The following WSB2 variants were observed in gnomAD, a reference collection of about 807,000 sequenced individuals.
The protein encoded by WSB2 is WD repeat and SOCS box containing 2.
Under a neutral mutation model 48.8 loss-of-function variants are expected in WSB2, and 12 were observed. The observed-to-expected ratio is 0.25, with a 90% CI of 0.16 to 0.40. WSB2 has a LOEUF of 0.40. Ranked by LOEUF, WSB2 falls within the 10% of genes least tolerant of loss-of-function variation. WSB2 has a pLI of 1.00. For synonymous variants in WSB2, 191 were observed against 203.1 expected, an observed-to-expected ratio of 0.94 and a Z score of 0.51; for missense variants, 317 against 506.2, an observed-to-expected ratio of 0.63 and a Z score of 3.59.
intron 1 of WSB2, among the ~76,000 whole-genome samples, chr12:118,053,858 G>A (rs2031900309): frequency 1.3e-5 from 2 of 152,110 alleles, no homozygotes; most frequent in Non-Finnish European, 1.5e-5. Context: ...GCTGTTACCA[G>A]ATAGATATTC....
At chr12:118,058,442 A>T (rs949244271) in intron 1 of WSB2, among the ~76,000 whole-genome samples, 6 of 151,942 alleles carry the variant, frequency 3.9e-5, no homozygotes, top group African/African-American at 7.3e-5. Flanking sequence ...CGACCTCCCC[A>T]GGCTCAGATG....
chr12:118,049,758 T>C (rs1247521460), intron 2 of WSB2, among the ~76,000 whole-genome samples: 4 of 152,112 alleles, frequency 2.6e-5, no homozygotes, highest in Admixed American at 1.3e-4. Flanking sequence ...TTCCAAAAAC[T>C]GCACAAATTT....
chr12:118,036,246 T>C (rs2031506721), intron 6 of WSB2, 92 bp downstream of exon 6: 1 of 1,420,688 alleles, frequency 7.0e-7, no homozygotes, highest in South Asian at 1.4e-5. Context: ...TCCCCTCCCA[T>C]GTCCCAGATT....
At chr12:118,040,509 C>T (rs1392347396) in intron 4 of WSB2, among the ~76,000 whole-genome samples, 1 of 152,080 alleles carries the variant, frequency 6.6e-6, no homozygotes, top group Non-Finnish European at 1.5e-5. Context: ...ACCTGTAATC[C>T]CAGCACTTTG....
At chr12:118,049,727 G>T (rs901097056) in intron 2 of WSB2, among the ~76,000 whole-genome samples, 2 of 152,016 alleles carry the variant, frequency 1.3e-5, no homozygotes, top group Admixed American at 1.3e-4. Context: ...TCAGGTCCTT[G>T]ATGCATTTTG....
rs768574799 is a variant in WSB2 at position 118,036,454 on chromosome 12, T to C, written c.717A>G (p.Gln239=). 1.2e-6 allele frequency: 2 copies of C among 1,614,086 alleles called. No individual in the cohort carries two copies. Among genetic ancestry groups the C allele is most frequent in the South Asian group, 1.1e-5 (1 of 91,082 alleles). Residue 239 remains glutamine (Q), a synonymous_variant, in exon 6 of 9, where the codon CAA becomes CAG. Coordinates refer to ENST00000315436, the MANE Select transcript of WSB2 (RefSeq NM_018639.5). Reference sequence around the variant, plus strand: ...AGAAGTCACAAGAGACAACACTGCTTTGATGGCCCTCTAGCTTCCGAATTA... The same window carrying C: ...AGAAGTCACAAGAGACAACACTGCTCTGATGGCCCTCTAGCTTCCGAATTA... ...YTLIRKLEGH[Q]SSVVSCDFSP...
rs376897864 is a variant in WSB2, at chr12:118,042,816, C to T, written c.559+25G>A. ...GCAAATACAGTATTTTTGGAGTTGC[C>T]GAGTAGTTCCTTCACTTCCCATACC... is the stretch of plus-strand genomic sequence containing the variant. On this transcript the variant is annotated intron_variant, in intron 4 of 8. Transcript: ENST00000315436. 7 of 1,606,258 alleles carry T rather than the reference C, an allele frequency of 4.4e-6. No homozygotes were observed. The Admixed American group carries it at 5.1e-5, about 12-fold the overall frequency.
chr12:118,046,607 T>C (rs1284571491), intron 2 of WSB2, among the ~76,000 whole-genome samples: 4 of 152,204 alleles, frequency 2.6e-5, no homozygotes, highest in African/African-American at 7.2e-5. Flanking sequence ...CTCCACAGAC[T>C]GTCCAGACCT....
At chr12:118,041,213 G>A (rs1329882631) in intron 4 of WSB2, among the ~76,000 whole-genome samples, 1 of 152,208 alleles carries the variant, frequency 6.6e-6, no homozygotes, top group African/African-American at 2.4e-5. Context: ...GGTATTAGGA[G>A]GCGGGGCTTT....
intron 2 of WSB2, among the ~76,000 whole-genome samples, chr12:118,051,401 G>A (rs567139378): frequency 7.2e-5 from 11 of 152,244 alleles, no homozygotes; most frequent in South Asian, 4.1e-4. Context: ...ATAAATGTAC[G>A]AACAAAATTT....
rs1296854162 is a variant in WSB2, at chr12:118,060,559, CTG to C, written c.13+475_13+476del. Among the ~76,000 whole-genome samples, 1 of 152,216 alleles carries C rather than the reference CTG, an allele frequency of 6.6e-6. No individual in the cohort carries two copies. Among genetic ancestry groups the C allele is most frequent in the Admixed American group, 6.5e-5 (1 of 15,288 alleles). ...GATTATCCCATTTTGCAGATCAAAACTGAGACGTGGGTGGCGGTGGTTCAGTG... is the reference window on the plus strand; with the variant it reads ...GATTATCCCATTTTGCAGATCAAAACAGACGTGGGTGGCGGTGGTTCAGTG... On this transcript the variant is annotated intron_variant, in intron 1 of 8. Transcript: ENST00000315436. This position sits in a 1 kb window ranked among gnomAD's most constrained non-coding sequence, Gnocchi z 4.1.
chr12:118,036,582 G>A (rs138412526), intron 5 of WSB2, 72 bp from the exon 6 acceptor site: 25,769 of 1,476,094 alleles, frequency 0.017, 342 homozygotes, highest in Middle Eastern at 0.052. Flanking sequence ...GGAGGGAAAG[G>A]TACCACCACC....
At chr12:118,061,770 T>G (rs1593478429), upstream of WSB2, among the ~76,000 whole-genome samples, 5 of 89,620 alleles carry the variant, frequency 5.6e-5, no homozygotes, top group Non-Finnish European at 8.3e-5. Context: ...GGGAAACGGG[T>G]AAAAATGGGG....
upstream of WSB2, among the ~76,000 whole-genome samples, chr12:118,061,389 G>T (rs2032063480): frequency 7.0e-6 from 1 of 143,868 alleles, no homozygotes; most frequent in South Asian, 2.3e-4. Flanking sequence ...TAAAAATGGG[G>T]CAGGGGTGGG....
rs532558348 is a variant in WSB2, at chr12:118,036,353, C to T, written c.818G>A (p.Arg273Lys). 3.7e-6 allele frequency: 6 copies of T among 1,614,084 alleles called. No homozygotes were observed. The South Asian group carries it at 4.4e-5, about 12-fold the overall frequency. Residue 273 changes from arginine to lysine, a missense_variant, in exon 6 of 9, where the codon AGG becomes AAG. Physicochemically the swap from Arg to Lys is conservative, Grantham distance 26. This residue lies in a region of WSB2 where 189 missense variants were observed against 349.6 expected (regional missense o/e 0.54). Transcript: ENST00000315436. ...CAGTCCTTACTGGAGTGACCTCAGC[C>T]TTTCGCCGGTGTAGGGGTCCCACAT... ...VIMWDPYTGERLRSLHHTQVD... is the reference protein window; with the variant it reads ...VIMWDPYTGEKLRSLHHTQVD...
chr12:118,047,811 T>C (rs1415667245), intron 2 of WSB2, among the ~76,000 whole-genome samples: 1 of 152,192 alleles, frequency 6.6e-6, no homozygotes, highest in African/African-American at 2.4e-5. Flanking sequence ...AAGTAAAAAT[T>C]ACCTATAATC....
intron 1 of WSB2, among the ~76,000 whole-genome samples, chr12:118,058,508 A>G (rs895953798): frequency 6.6e-6 from 1 of 151,320 alleles, no homozygotes; most frequent in African/African-American, 2.4e-5. Context: ...TCTACCATGC[A>G]CGCGCCTATA....
chr12:118,061,461 C>T (rs952981622), upstream of WSB2, among the ~76,000 whole-genome samples: 3 of 149,924 alleles, frequency 2.0e-5, no homozygotes, highest in African/African-American at 7.4e-5. Context: ...TGTGCGGGGT[C>T]CTGAGGGGAA....
intron 6 of WSB2, 40 bp downstream of exon 6, chr12:118,036,298 T>TC (rs1566135638): frequency 3.8e-6 from 6 of 1,592,948 alleles, no homozygotes; most frequent in South Asian, 3.4e-5. Flanking sequence ...TCCTCATCAG[T>TC]CCCCCCACAA....
Sources: allele counts gnomAD v4.1 joint callset (sites outside exome capture counted in the v4.1 genomes callset), GRCh38; gene constraint gnomAD v4.1.1; regional missense constraint gnomAD v4.1.1; non-coding constraint Gnocchi (gnomAD v3.1); transcripts MANE v1.5; gene names NCBI Gene and HGNC (gene_info 2026-07-23, HGNC 2026-07-21).